Variants in IFTAP observed in about 807,000 individuals in gnomAD.
IFTAP encodes the protein intraflagellar transport-associated protein.
Under a neutral mutation model 19.4 loss-of-function variants are expected in IFTAP, and 19 were observed. The ratio of observed to expected loss-of-function variants is 0.98; its 90% CI spans 0.68 to 1.44. The LOEUF is 1.44. Ranked by LOEUF, IFTAP falls within the 40% of genes most tolerant of loss-of-function variation. The pLI is 0.00. For missense variants in IFTAP, 240 were observed against 253.6 expected (o/e 0.95, Z 0.36); for synonymous variants, 85 against 83.5 (o/e 1.02, Z -0.10).
At chr11:36,631,170 A>G (rs1852710993) in intron 2 of IFTAP, among the ~76,000 whole-genome samples, 1 of 151,462 alleles carries the variant, frequency 6.6e-6, no homozygotes, top group Admixed American at 6.5e-5. Flanking sequence ...CACAGAAGCC[A>G]AGGTTGGGTG....
At chr11:36,624,288 C>T (rs1371868640) in intron 2 of IFTAP, among the ~76,000 whole-genome samples, 2 of 152,080 alleles carry the variant, frequency 1.3e-5, no homozygotes, top group African/African-American at 4.8e-5. Context: ...TTTATCTACT[C>T]TATGGCCAGC....
intron 2 of IFTAP, among the ~76,000 whole-genome samples, chr11:36,616,080 AT>A (rs1189564012): frequency 6.6e-6 from 1 of 152,030 alleles, no homozygotes; most frequent in Non-Finnish European, 1.5e-5. Context: ...TTGACATTAA[AT>A]CTTTTCAACT....
intron 2 of IFTAP, among the ~76,000 whole-genome samples, chr11:36,618,803 GTGA>G (rs1166497635): frequency 1.3e-5 from 2 of 152,020 alleles, no homozygotes; most frequent in African/African-American, 4.8e-5. Flanking sequence ...CACATTGCTC[GTGA>G]TTTTGAAAGG....
chr11:36,614,750 A>G (rs1852007582), intron 2 of IFTAP, among the ~76,000 whole-genome samples: 1 of 148,870 alleles, frequency 6.7e-6, no homozygotes, highest in African/African-American at 2.5e-5. Context: ...TCCTTCGCCC[A>G]CTTTTTGATG....
At position 36,619,365 on chromosome 11, in the gene IFTAP, G is replaced by A. The variant is rs368006136; in HGVS notation, c.136+9126G>A. ...AAAGCTATTTTGAATTTGAATATTA[G>A]CAATGCATCTTTAAATTTCCATGAG... On this transcript the variant is annotated intron_variant, in intron 2 of 5. Coordinates refer to ENST00000334307, the MANE Select transcript of IFTAP (RefSeq NM_138787.4). Among the ~76,000 whole-genome samples the A allele has an allele frequency of 1.2e-4, 18 of 152,068 alleles. No individual in the cohort carries two copies. The South Asian group carries it at 2.9e-3, about 24-fold the overall frequency.
intron 2 of IFTAP, among the ~76,000 whole-genome samples, chr11:36,616,681 C>T (rs1005882982): frequency 6.6e-6 from 1 of 151,910 alleles, no homozygotes; most frequent in East Asian, 1.9e-4. Flanking sequence ...AGGAGCGATG[C>T]CAGTGCTTTT....
intron 2 of IFTAP, among the ~76,000 whole-genome samples, chr11:36,618,718 A>G (rs1485801973): frequency 6.6e-6 from 1 of 152,070 alleles, no homozygotes; most frequent in Non-Finnish European, 1.5e-5. Flanking sequence ...ATGATGCTCA[A>G]GTTTGGATTT....
At chr11:36,647,421 G>T (rs892242422) in intron 4 of IFTAP, among the ~76,000 whole-genome samples, 1 of 152,120 alleles carries the variant, frequency 6.6e-6, no homozygotes, top group Non-Finnish European at 1.5e-5. Flanking sequence ...ACCAAGATGG[G>T]TTATTGAATT....
In IFTAP at chr11:36,624,544, C is replaced by T. The variant is rs989773485; in HGVS notation, c.137-8740C>T. Among the ~76,000 whole-genome samples, 13 of 152,144 alleles carry T rather than the reference C, an allele frequency of 8.5e-5. No homozygotes were observed. In the South Asian group the frequency reaches 2.5e-3, roughly 29 times the overall value. ...ACAGAAAACTCCAGCAGCCTGAATCCCTGGGTCATTTCATGGAACAAAGCC... is the reference window on the plus strand; with the variant it reads ...ACAGAAAACTCCAGCAGCCTGAATCTCTGGGTCATTTCATGGAACAAAGCC... On this transcript the variant is annotated intron_variant, in intron 2 of 5. Coordinates refer to ENST00000334307, the MANE Select transcript of IFTAP (RefSeq NM_138787.4).
intron 5 of IFTAP, 151 bp from the exon 6 acceptor site, chr11:36,658,868 T>C (rs1854103430): frequency 1.9e-6 from 1 of 538,190 alleles, no homozygotes; most frequent in African/African-American, 2.0e-5. Context: ...ATAATTAAAT[T>C]TATTTCTTTA....
At position 36,649,077 on chromosome 11, in the gene IFTAP, G is replaced by T. The variant is rs190033713; in HGVS notation, c.498+922G>T. On this transcript the variant is annotated intron_variant, in intron 5 of 5. Coordinates refer to ENST00000334307, the MANE Select transcript of IFTAP (RefSeq NM_138787.4). ...CACAAAGCAGGATCAGGCACAAGAA[G>T]TTGTTAAGGGCTCTTTATTATTGCT... Among the ~76,000 whole-genome samples the T allele has an allele frequency of 1.4e-3, 207 of 152,220 alleles. 1 individual carries two copies. The highest frequency in any genetic ancestry group is 4.7e-3 in the African/African-American group (194 of 41,550).
At chr11:36,642,443 T>C (rs191892290) in intron 4 of IFTAP, among the ~76,000 whole-genome samples, 14 of 152,174 alleles carry the variant, frequency 9.2e-5, no homozygotes, top group Non-Finnish European at 1.6e-4. Context: ...GAGGAGCTGG[T>C]ACCATTCCTT....
intron 3 of IFTAP, among the ~76,000 whole-genome samples, chr11:36,635,512 G>C (rs1481054623): frequency 6.6e-6 from 1 of 152,166 alleles, no homozygotes; most frequent in African/African-American, 2.4e-5. Flanking sequence ...GCTCGAAAGA[G>C]AGAACACTTG....
intron 4 of IFTAP, among the ~76,000 whole-genome samples, chr11:36,645,017 A>AAT (rs1853422602): frequency 6.8e-6 from 1 of 148,066 alleles, no homozygotes; most frequent in African/African-American, 2.6e-5. Context: ...TAATAATAAT[A>AAT]AAGAAGTGAT....
chr11:36,645,605 T>TAA (rs1237625431), intron 4 of IFTAP, among the ~76,000 whole-genome samples: 2 of 152,122 alleles, frequency 1.3e-5, no homozygotes, highest in Admixed American at 6.6e-5. Flanking sequence ...TATATATATA[T>TAA]AACCCACCCA....
At chr11:36,616,731 G>T (rs898967516) in intron 2 of IFTAP, among the ~76,000 whole-genome samples, 6 of 151,934 alleles carry the variant, frequency 3.9e-5, no homozygotes, top group Admixed American at 3.9e-4. Context: ...GTAACCGTAT[G>T]ATTTGTGATC....
chr11:36,651,870 T>C (rs1372858579), intron 5 of IFTAP, among the ~76,000 whole-genome samples: 1 of 152,104 alleles, frequency 6.6e-6, no homozygotes, highest in Non-Finnish European at 1.5e-5. Flanking sequence ...TGTAGATGTG[T>C]GGTATTATTT....
chr11:36,609,774 C>T (rs1851809113), intron 1 of IFTAP, among the ~76,000 whole-genome samples: 1 of 152,026 alleles, frequency 6.6e-6, no homozygotes, highest in Non-Finnish European at 1.5e-5. Flanking sequence ...CCTCCTACCT[C>T]GAAAGACTTT....
chr11:36,653,667 A>G (rs1853840437), intron 5 of IFTAP, among the ~76,000 whole-genome samples: 1 of 152,194 alleles, frequency 6.6e-6, no homozygotes, highest in Non-Finnish European at 1.5e-5. Flanking sequence ...AGAAGACCGC[A>G]GTGATATCTT....
Sources: gnomAD v4.1 joint callset for allele counts (sites outside exome capture counted in the v4.1 genomes callset) on GRCh38, gnomAD v4.1.1 for gene constraint, MANE v1.5 for transcripts, NCBI Gene and HGNC (gene_info 2026-07-23, HGNC 2026-07-21) for gene names.